The following ZACN variants were observed in gnomAD, a reference collection of about 807,000 sequenced individuals.
ZACN encodes zinc activated ion channel.
A neutral mutation model predicts 38.9 loss-of-function variants in ZACN; 52 were observed. That is an observed-to-expected ratio of 1.34 (90% CI 1.07 to 1.68). The LOEUF is 1.68. ZACN is among the 40% of genes most tolerant of loss of function. The pLI is 0.00. For synonymous variants in ZACN, 235 were observed against 227.4 expected (o/e 1.03, Z -0.30); for missense variants, 559 against 525.6 (o/e 1.06, Z -0.62).
At position 76,079,320 on chromosome 17, in the gene ZACN, T is replaced by A. The variant is rs760495615; in HGVS notation, c.56T>A (p.Leu19Ter). The change falls in exon 1 of 9, where the codon TTG becomes TAG. Residue 19 changes from leucine to a stop codon, truncating the protein, a stop_gained. Coordinates refer to ENST00000334586, the MANE Select transcript of ZACN (RefSeq NM_180990.4). LOFTEE classifies it high-confidence loss of function. Reference protein sequence around the residue: ...HLTFLGFSITLLLVHGQGFQG... With the variant: ...HLTFLGFSIT ...ACCTTCCTGGGGTTCAGCATTACCT[T>A]GCTGTTGGTCCACGGGCAGGGCTTC... 9.3e-6 allele frequency: 15 copies of A among 1,614,106 alleles called. 1 individual carries two copies. The South Asian group carries it at 1.6e-4, about 18-fold the overall frequency.
intron 2 of ZACN, 24 bp downstream of exon 2, chr17:76,079,587 C>A: frequency 6.2e-7 from 1 of 1,614,034 alleles, no homozygotes; most frequent in Non-Finnish European, 8.5e-7. Flanking sequence ...GGCCAAGGGC[C>A]CCAAGTGCTG....
intron 5 of ZACN, chr17:76,081,028 A>C: frequency 2.2e-6 from 1 of 460,570 alleles, no homozygotes; most frequent in Non-Finnish European, 4.0e-6. Context: ...AAGTGGTGCA[A>C]AGTACATTTA....
rs372981369 is a variant in ZACN at position 76,081,445 on chromosome 17, C to T, written c.669+43C>T. ...GAGGCCGACAGAGGGCTGCTGGAGG[C>T]GGGTGGGAGTGAGGATGCACGGCCA... On this transcript the variant is annotated intron_variant, in intron 6 of 8. Transcript: ENST00000334586. 4.0e-5 allele frequency: 65 copies of T among 1,612,234 alleles called. No individual in the cohort carries two copies. The Admixed American group carries it at 4.3e-4, about 11-fold the overall frequency.
chr17:76,081,581 G>C lies in ZACN; in HGVS notation c.706G>C (p.Ala236Pro), dbSNP rs370429794. The change falls in exon 7 of 9, where the codon GCT (alanine) becomes CCT (proline). Residue 236 changes from alanine (A) to proline (P), a missense_variant. Coordinates refer to ENST00000334586, the MANE Select transcript of ZACN (RefSeq NM_180990.4). ...GAACACGGCGCTCAAGTCCATCATC[G>C]CTCTCTTGGTGCCTGCAGAGGCACT... ...LKNTALKSIIALLVPAEALLL... is the reference protein window; with the variant it reads ...LKNTALKSIIPLLVPAEALLL... The C allele has an allele frequency of 1.2e-6, 2 of 1,613,686 alleles. No homozygotes were observed. The highest frequency in any genetic ancestry group is 1.1e-5 in the South Asian group (1 of 91,094).
Position 76,082,508 on chromosome 17 carries a change from C to T in ZACN, c.1094C>T (p.Thr365Ile), listed in dbSNP as rs763317623. The change falls in exon 9 of 9, where the codon ACT becomes ATT. Residue 365 changes from threonine (T) to isoleucine (I), a missense_variant. Thr to Ile is a moderately conservative substitution (Grantham distance 89, BLOSUM62 -1). Transcript: ENST00000334586. ...GGGTCACAGAGAAGCTGGCCTGAGACTGCTGACCGCATCTTCTTCCTCGTG... is the reference window on the plus strand; with the variant it reads ...GGGTCACAGAGAAGCTGGCCTGAGATTGCTGACCGCATCTTCTTCCTCGTG... ...VKGSQRSWPE[T>I]ADRIFFLVYV... 8 of 1,613,740 alleles carry T rather than the reference C, an allele frequency of 5.0e-6. No individual in the cohort carries two copies. The highest frequency in any genetic ancestry group is 6.8e-6 in the Non-Finnish European group (8 of 1,179,864).
At position 76,080,284 on chromosome 17, in the gene ZACN, C is replaced by G. The variant is rs1303716458; in HGVS notation, c.404C>G (p.Pro135Arg). ...TGGGTGGACTGGAGGGACCAGAGCC[C>G]CCAGGCTCGAGTAGACCAGGACGGC... ...ALWVDWRDQSPQARVDQDGHV... is the reference protein window; with the variant it reads ...ALWVDWRDQSRQARVDQDGHV... The change falls in exon 5 of 9, where the codon CCC becomes CGC. Residue 135 changes from proline to arginine, a missense_variant. By Grantham distance (103) the Pro-to-Arg change is moderately radical. Coordinates refer to ENST00000334586, the MANE Select transcript of ZACN (RefSeq NM_180990.4). 3.7e-6 allele frequency: 6 copies of G among 1,613,818 alleles called. No individual in the cohort carries two copies. Among genetic ancestry groups the G allele is most frequent in the Non-Finnish European group, 5.1e-6 (6 of 1,180,022 alleles).
At chr17:76,081,134 C>T (rs1040582463) in intron 5 of ZACN, 144 bp from the exon 6 acceptor site, 1 of 1,186,402 alleles carries the variant, frequency 8.4e-7, no homozygotes, top group East Asian at 2.4e-5. Flanking sequence ...GGAAGCCCTT[C>T]TATGGATCGG....
rs775416968 is a variant in ZACN at position 76,080,426 on chromosome 17, T to C, written c.544+2T>C. On this transcript the variant is annotated splice_donor_variant, in intron 5 of 8. Coordinates refer to ENST00000334586, the MANE Select transcript of ZACN (RefSeq NM_180990.4). LOFTEE classifies it high-confidence loss of function. The stretch of plus-strand genomic sequence containing the variant: ...GCTTCTACGCTCTCAGCAACACGGG[T>C]GCTGACAGGGCAGGGGCTGCAGGGT... The C allele has an allele frequency of 2.5e-6, 4 of 1,612,752 alleles. No homozygotes were observed. Among genetic ancestry groups the C allele is most frequent in the Non-Finnish European group, 2.5e-6 (3 of 1,179,792 alleles).
At chr17:76,079,798 C>T (rs764054967) in intron 3 of ZACN, 52 bp downstream of exon 3, 6 of 1,606,660 alleles carry the variant, frequency 3.7e-6, no homozygotes, top group Non-Finnish European at 5.1e-6. Flanking sequence ...CTGAGTCCAG[C>T]TCAGAACTAC....
At chr17:76,081,052 A>C in intron 5 of ZACN, 1 of 532,082 alleles carries the variant, frequency 1.9e-6, no homozygotes, top group East Asian at 3.6e-5. Context: ...TTACAATGAA[A>C]GCTCATCTAT....
chr17:76,081,776 C>T, intron 7 of ZACN, 21 bp downstream of exon 7: 1 of 1,613,932 alleles, frequency 6.2e-7, no homozygotes, highest in Non-Finnish European at 8.5e-7. Context: ...CTCCCTTACC[C>T]AGTCTGCCCT....
At chr17:76,080,198 C>T in intron 4 of ZACN, 57 bp from the exon 5 acceptor site, 1 of 1,547,084 alleles carries the variant, frequency 6.5e-7, no homozygotes, top group South Asian at 1.2e-5. Flanking sequence ...CCAGGGTCTC[C>T]CCCCGGCCCC....
rs769993386 is a variant in ZACN at position 76,081,724 on chromosome 17, G to A, written c.849G>A (p.Leu283=). 2.7e-5 allele frequency: 43 copies of A among 1,613,922 alleles called. No individual in the cohort carries two copies. In the Admixed American group the frequency reaches 7.0e-4, roughly 26 times the overall value. ...TCCACTCCTCCCTGGTGCAGGCCCT[G>A]CCCAGCTCCTCCTCCTGCAACCCAC... ...LVLHSSLVQA[L]PSSSSCNPLL... is the part of the protein sequence containing the mutation. The change falls in exon 7 of 9, where the codon CTG becomes CTA. Residue 283 remains leucine (L), a synonymous_variant. Transcript: ENST00000334586.
rs1394576146 is a variant in ZACN, at chr17:76,079,462, A to T, written c.121A>T (p.Asn41Tyr). ...AGTCTGGCCATCCCTCTTCAACGTC[A>T]ACTTGTCCAAGAAGGTTCAGGAAAG... Reference protein sequence around the residue: ...AAIWPSLFNVNLSKKVQESIQ... With the variant: ...AAIWPSLFNVYLSKKVQESIQ... Residue 41 changes from asparagine to tyrosine, a missense_variant, in exon 2 of 9, where the codon AAC (asparagine) becomes TAC (tyrosine). Coordinates refer to ENST00000334586, the MANE Select transcript of ZACN (RefSeq NM_180990.4). 2 of 1,614,146 alleles carry T rather than the reference A, an allele frequency of 1.2e-6. 1 individual carries two copies. The highest frequency in any genetic ancestry group is 3.3e-5 in the Admixed American group (2 of 60,006).
intron 8 of ZACN, 162 bp downstream of exon 8, chr17:76,082,211 C>G: frequency 1.0e-6 from 1 of 986,462 alleles, no homozygotes; most frequent in East Asian, 2.6e-5. Flanking sequence ...AGAAACAGGT[C>G]TGGGGCAGGG....
At chr17:76,082,318 C>T in intron 8 of ZACN, 145 bp from the exon 9 acceptor site, 1 of 910,194 alleles carries the variant, frequency 1.1e-6, no homozygotes, top group Non-Finnish European at 1.6e-6. Context: ...CTGAAGATGG[C>T]CTGAAATGGG....
In ZACN at chr17:76,080,289, G is replaced by A; in HGVS notation, c.409G>A (p.Ala137Thr). 2 of 1,613,942 alleles carry A rather than the reference G, an allele frequency of 1.2e-6. No homozygotes were observed. Among genetic ancestry groups the A allele is most frequent in the Non-Finnish European group, 8.5e-7 (1 of 1,180,004 alleles). Residue 137 changes from alanine (A) to threonine (T), a missense_variant, in exon 5 of 9, where the codon GCT becomes ACT. Physicochemically the swap from Ala to Thr is moderately conservative, Grantham distance 58. Coordinates refer to ENST00000334586, the MANE Select transcript of ZACN (RefSeq NM_180990.4). ...WVDWRDQSPQ[A>T]RVDQDGHVKL... is the part of the protein sequence containing the mutation. ...GGACTGGAGGGACCAGAGCCCCCAGGCTCGAGTAGACCAGGACGGCCACGT... is the reference window on the plus strand; with the variant it reads ...GGACTGGAGGGACCAGAGCCCCCAGACTCGAGTAGACCAGGACGGCCACGT...
At position 76,080,177 on chromosome 17, in the gene ZACN, G is replaced by A. The variant is rs1049423525; in HGVS notation, c.375-78G>A. 7.1e-5 allele frequency: 107 copies of A among 1,513,776 alleles called. No individual in the cohort carries two copies. The Admixed American group carries it at 2.1e-3, about 30-fold the overall frequency. 93.8% of individuals were successfully genotyped at this position (1,513,776 alleles called of 1,614,324 possible). ...AGAACTCTGAAAGCAGCTGGGGTTGGGGTTGGGATGCCAGGGTCTCCCCCC... is the reference window on the plus strand; with the variant it reads ...AGAACTCTGAAAGCAGCTGGGGTTGAGGTTGGGATGCCAGGGTCTCCCCCC... On this transcript the variant is annotated intron_variant, in intron 4 of 8. Coordinates refer to ENST00000334586, the MANE Select transcript of ZACN (RefSeq NM_180990.4).
chr17:76,081,489 C>G (rs1174555152), intron 6 of ZACN, 56 bp from the exon 7 acceptor site: 43 of 1,610,106 alleles, frequency 2.7e-5, no homozygotes, highest in Non-Finnish European at 3.6e-5. Context: ...GCCCCATGCC[C>G]CCGATGCCCA....
Sources: gnomAD v4.1 joint callset for allele counts on GRCh38, gnomAD v4.1.1 for gene constraint, MANE v1.5 for transcripts, NCBI Gene and HGNC (gene_info 2026-07-23, HGNC 2026-07-21) for gene names.